TRDN: variants seen among roughly 807,000 people sequenced by gnomAD.
TRDN encodes the protein triadin in skeletal muscle.
Under a neutral mutation model 149.7 loss-of-function variants are expected in TRDN, and 161 were observed. The observed-to-expected ratio is 1.08, with a 90% confidence interval of 0.95 to 1.23. TRDN has a LOEUF of 1.23. Ranked by LOEUF, TRDN falls within the 50% of genes most tolerant of loss-of-function variation. TRDN has a pLI of 0.00. For synonymous variants in TRDN, 294 were observed against 250.5 expected (o/e 1.17, Z -1.64); for missense variants, 896 against 823.5 (o/e 1.09, Z -1.08).
chr6:123,421,805 C>CAAAAAAAAAAAAA (rs56022131), intron 12 of TRDN, among the ~76,000 whole-genome samples: 3 of 92,648 alleles, frequency 3.2e-5, no homozygotes, highest in African/African-American at 8.3e-5. Context: ...CCTTTCTCTA[C>CAAAAAAAAAAAAA]AAAAAAAAAA....
chr6:123,530,266 A>G (rs1780173374), intron 5 of TRDN, among the ~76,000 whole-genome samples: 1 of 152,044 alleles, frequency 6.6e-6, no homozygotes, highest in African/African-American at 2.4e-5. Context: ...AAATAATTTA[A>G]AAATTATTAC....
intron 4 of TRDN, among the ~76,000 whole-genome samples, chr6:123,534,728 T>G (rs2114362585): frequency 6.6e-6 from 1 of 152,310 alleles, no homozygotes; most frequent in Middle Eastern, 3.4e-3. Context: ...TTTTCTATAT[T>G]ATGTTAATAC....
chr6:123,297,790 T>G (rs1778258996), intron 24 of TRDN, among the ~76,000 whole-genome samples: 1 of 152,182 alleles, frequency 6.6e-6, no homozygotes, highest in Admixed American at 6.6e-5. Context: ...AAGGGATAAA[T>G]GGACCTTTTC....
intron 24 of TRDN, among the ~76,000 whole-genome samples, chr6:123,303,334 C>G (rs1246673957): frequency 6.6e-6 from 1 of 152,004 alleles, no homozygotes; most frequent in Admixed American, 6.6e-5. Flanking sequence ...GTTGTTGGAC[C>G]TACTGTGGCT....
chr6:123,262,168 G>A (rs189185062), intron 33 of TRDN, among the ~76,000 whole-genome samples: 2 of 151,968 alleles, frequency 1.3e-5, no homozygotes, highest in East Asian at 3.9e-4. Context: ...AAAATAAAAT[G>A]TACCTCAGGG....
chr6:123,499,719 A>AAAAAAAAAAAAATATATATATATATATAT, intron 8 of TRDN, among the ~76,000 whole-genome samples: 7 of 47,642 alleles, frequency 1.5e-4, no homozygotes, highest in Non-Finnish European at 2.7e-4. Context: ...AAAAAAAAAA[A>AAAAAAAAAAAAATATATATATATATATAT]ATATATATAT....
chr6:123,421,193 G>A (rs1005639666), intron 12 of TRDN, among the ~76,000 whole-genome samples: 2 of 152,100 alleles, frequency 1.3e-5, no homozygotes, highest in African/African-American at 4.8e-5. Context: ...TGCTTTCCGT[G>A]GCTCTCTCCT....
intron 5 of TRDN, among the ~76,000 whole-genome samples, chr6:123,525,208 G>A (rs946948559): frequency 6.6e-6 from 1 of 151,850 alleles, no homozygotes; most frequent in Non-Finnish European, 1.5e-5. Context: ...TGAGGTATCT[G>A]CTCAAATGAA....
intron 21 of TRDN, chr6:123,351,308 T>A: frequency 1.1e-6 from 1 of 949,150 alleles, no homozygotes. Context: ...TACAACATCT[T>A]CTCAGATGGG....
chr6:123,358,590 G>A (rs960515111), intron 20 of TRDN, among the ~76,000 whole-genome samples: 3 of 151,770 alleles, frequency 2.0e-5, no homozygotes, highest in African/African-American at 4.8e-5. Context: ...TTAGCCTCCC[G>A]AGTAGCTGGG....
rs200068375 is a variant in TRDN at position 123,497,249 on chromosome 6, T to C, written c.797A>G (p.Gln266Arg). 3.0e-5 allele frequency: 46 copies of C among 1,535,842 alleles called. No homozygotes were observed. In the Admixed American group the frequency reaches 8.5e-4, roughly 28 times the overall value. Residue 266 changes from glutamine (Q) to arginine (R), a missense_variant, in exon 9 of 41, where the codon CAG (glutamine) becomes CGG (arginine). Transcript: ENST00000334268. ...AAVSKHEQKD[Q>R]YAFCRYMIDI... is the part of the protein sequence containing the mutation. Reference sequence around the variant, plus strand: ...AATCATATATCGACAGAATGCATACTGATCTGACAGAGTAGAAAGAAAAAG... The same window carrying C: ...AATCATATATCGACAGAATGCATACCGATCTGACAGAGTAGAAAGAAAAAG...
At position 123,512,375 on chromosome 6, in the gene TRDN, AT is replaced by A; in HGVS notation, c.551-14del. The A allele has an allele frequency of 7.0e-7, 1 of 1,437,444 alleles. No individual in the cohort carries two copies. 89.0% of individuals were successfully genotyped at this position (1,437,444 alleles called of 1,614,324 possible). A position where few individuals can be genotyped will look rare whatever the true frequency, so the allele number is the denominator to read the frequency against. Reference sequence around the variant, plus strand: ...TCCTTGTGAGTTGCTTAAACAGAAAATTTTACATTAGTACACATTTTTAATA... The same window carrying A: ...TCCTTGTGAGTTGCTTAAACAGAAAATTTACATTAGTACACATTTTTAATA... On this transcript the variant is annotated splice_polypyrimidine_tract_variant and intron_variant, in intron 6 of 40. Coordinates refer to ENST00000334268, the MANE Select transcript of TRDN (RefSeq NM_006073.4).
chr6:123,261,986 A>G (rs1776788680), intron 33 of TRDN, among the ~76,000 whole-genome samples: 1 of 151,980 alleles, frequency 6.6e-6, no homozygotes, highest in African/African-American at 2.4e-5. Context: ...AGTTCTGGGT[A>G]TTAAAACATA....
chr6:123,400,914 T>C (rs1239651293), intron 12 of TRDN, among the ~76,000 whole-genome samples: 3 of 152,172 alleles, frequency 2.0e-5, no homozygotes, highest in African/African-American at 4.8e-5. Flanking sequence ...TCTGAAAATA[T>C]AACGTAATAA....
intron 2 of TRDN, 58 bp from the exon 3 acceptor site, chr6:123,548,670 TAAGAA>T (rs1781240874): frequency 7.9e-7 from 1 of 1,261,804 alleles, no homozygotes; most frequent in Non-Finnish European, 1.0e-6. Flanking sequence ...CCAAATAACT[TAAGAA>T]AAGCTGTTTT....
intron 24 of TRDN, among the ~76,000 whole-genome samples, chr6:123,304,576 A>G (rs1487223047): frequency 6.6e-6 from 1 of 152,152 alleles, no homozygotes; most frequent in East Asian, 1.9e-4. Context: ...TAAAAGTAAG[A>G]TAAGTGATTG....
At chr6:123,242,598 A>G (rs1462837495) in intron 38 of TRDN, among the ~76,000 whole-genome samples, 12 of 152,140 alleles carry the variant, frequency 7.9e-5, no homozygotes, top group Non-Finnish European at 1.8e-4. Flanking sequence ...TATCAAGTAG[A>G]TAGTCAGACT....
intron 9 of TRDN, among the ~76,000 whole-genome samples, chr6:123,482,365 A>G (rs1777785216): frequency 6.6e-6 from 1 of 152,226 alleles, no homozygotes; most frequent in Non-Finnish European, 1.5e-5. Context: ...GCATGTTAAT[A>G]ATTGTTATTT....
At chr6:123,497,474 A>G (rs572931359) in intron 8 of TRDN, among the ~76,000 whole-genome samples, 1 of 152,266 alleles carries the variant, frequency 6.6e-6, no homozygotes, top group South Asian at 2.1e-4. Flanking sequence ...AACCTCAAAA[A>G]TTGAAAAGGA....
Sources: gnomAD v4.1 joint callset for allele counts (sites outside exome capture counted in the v4.1 genomes callset) on GRCh38, gnomAD v4.1.1 for gene constraint, MANE v1.5 for transcripts, NCBI Gene and HGNC (gene_info 2026-07-23, HGNC 2026-07-21) for gene names.